HPD: variants seen among roughly 807,000 people sequenced by gnomAD.
The protein encoded by HPD is 4-hydroxyphenylpyruvate dioxygenase.
In HPD, 35 loss-of-function variants were observed where a neutral mutation model predicts 56.9. That is an observed-to-expected ratio of 0.62 (90% CI 0.47 to 0.82). HPD has a LOEUF of 0.82. Among genes scored for constraint, HPD ranks in the 40% least tolerant of loss-of-function variants. The pLI is 0.00. For missense variants in HPD, 442 were observed against 506.8 expected (o/e 0.87, Z 1.23); for synonymous variants, 186 against 200.2 (o/e 0.93, Z 0.60).
At chr12:121,858,113 C>T (rs1338180395) in intron 2 of HPD, among the ~76,000 whole-genome samples, 1 of 152,168 alleles carries the variant, frequency 6.6e-6, no homozygotes, top group Non-Finnish European at 1.5e-5. Context: ...AAAGAACTTC[C>T]AGATGGGATT....
chr12:121,857,757 C>A lies in HPD; in HGVS notation c.93G>T (p.Gln31His). The stretch of plus-strand genomic sequence containing the variant: ...TCCAGCACCTTGCCCCGGCTTCTAC[C>A]TGCTTGGCGTTGCCAACCCAGAAGG... ...SVTFWVGNAK[Q>H]ATSFYCSKMG... is the part of the protein sequence containing the mutation. Residue 31 changes from glutamine to histidine, a missense_variant and splice_region_variant, in exon 3 of 14, where the codon CAG (glutamine) becomes CAT (histidine). Transcript: ENST00000289004. 1 of 1,613,606 alleles carries A rather than the reference C, an allele frequency of 6.2e-7. No individual in the cohort carries two copies. The highest frequency in any genetic ancestry group is 2.2e-5 in the East Asian group (1 of 44,870).
chr12:121,859,708 T>C (rs1460966963), upstream of HPD, among the ~76,000 whole-genome samples: 1 of 152,212 alleles, frequency 6.6e-6, no homozygotes, highest in East Asian at 1.9e-4. Flanking sequence ...GATTCTGAAG[T>C]TGGATCTCAT....
chr12:121,839,762 T>G lies in HPD; in HGVS notation c.1148A>C (p.Asn383Thr). Residue 383 changes from asparagine (N) to threonine (T), a missense_variant, in exon 14 of 14, where the codon AAC (asparagine) becomes ACC (threonine). Physicochemically the swap from Asn to Thr is moderately conservative, Grantham distance 65. Coordinates refer to ENST00000289004, the MANE Select transcript of HPD (RefSeq NM_002150.3). ...GGGCACCACCCCATTGGTCTCCATG[T>G]TGGTGAGGTTACCCCGCAGGTTCTG... ...EEQNLRGNLT[N>T]METNGVVPGM is the part of the protein sequence containing the mutation. 6.2e-7 allele frequency: 1 copy of G among 1,614,092 alleles called. No individual in the cohort carries two copies. The highest frequency in any genetic ancestry group is 2.2e-5 in the East Asian group (1 of 44,878).
upstream of HPD, among the ~76,000 whole-genome samples, chr12:121,862,164 C>T (rs1256004443): frequency 2.6e-5 from 4 of 152,196 alleles, no homozygotes; most frequent in Non-Finnish European, 5.9e-5. Context: ...TAGAGACATC[C>T]CTCCCTGGGG....
At chr12:121,850,784 C>T (rs949109600) in intron 7 of HPD, among the ~76,000 whole-genome samples, 6 of 150,380 alleles carry the variant, frequency 4.0e-5, no homozygotes, top group Admixed American at 1.3e-4. Context: ...CTGCAACCTC[C>T]GCCTCCCAGG....
In HPD at chr12:121,848,421, C is replaced by T. The variant is rs1227107392; in HGVS notation, c.596+578G>A. Among the ~76,000 whole-genome samples, 20 of 152,136 alleles carry T rather than the reference C, an allele frequency of 1.3e-4. 1 individual carries two copies. Among genetic ancestry groups the T allele is most frequent in the Admixed American group, 1.3e-3 (20 of 15,248 alleles). ...CCGCCTTCCTGGTTCAAGCGATTCT[C>T]CTGTCTCAGCTTCCCAAGTAGCTGG... On this transcript the variant is annotated intron_variant, in intron 9 of 13. Transcript: ENST00000289004.
the HPD span, among the ~76,000 whole-genome samples, chr12:121,877,798 A>G: frequency 1.3e-5 from 2 of 152,028 alleles, no homozygotes; most frequent in African/African-American, 4.8e-5. Context: ...CCACCCCCAC[A>G]CTCTGCCAAC....
chr12:121,845,476 C>T (rs1230542165), intron 11 of HPD, among the ~76,000 whole-genome samples: 2 of 148,950 alleles, frequency 1.3e-5, no homozygotes, highest in Admixed American at 1.3e-4. Flanking sequence ...TGGCGGGTGC[C>T]TGTAGTCCCA....
the HPD span, among the ~76,000 whole-genome samples, chr12:121,869,713 C>T: frequency 3.3e-5 from 5 of 151,250 alleles, no homozygotes; most frequent in Non-Finnish European, 7.4e-5. Flanking sequence ...TTAGTAGAGA[C>T]AGGGTTTCAC....
rs984792300 is a variant in HPD at position 121,856,358 on chromosome 12, G to A, written c.290C>T (p.Ala97Val). ...GTAGTCACAATCTTCCACCTCGAACGCAATGTCCTTCACTCCGTCACCGTG... is the reference window on the plus strand; with the variant it reads ...GTAGTCACAATCTTCCACCTCGAACACAATGTCCTTCACTCCGTCACCGTG... ...VKHGDGVKDI[A>V]FEVEDCDYIV... Residue 97 changes from alanine to valine, a missense_variant, in exon 6 of 14, where the codon GCG (alanine) becomes GTG (valine). Ala to Val is a moderately conservative substitution (Grantham distance 64). Coordinates refer to ENST00000289004, the MANE Select transcript of HPD (RefSeq NM_002150.3). The A allele has an allele frequency of 1.2e-6, 2 of 1,614,022 alleles. No individual in the cohort carries two copies. Among genetic ancestry groups the A allele is most frequent in the South Asian group, 1.1e-5 (1 of 91,072 alleles).
chr12:121,852,936 T>C (rs1028627948), intron 7 of HPD, among the ~76,000 whole-genome samples: 11 of 152,114 alleles, frequency 7.2e-5, no homozygotes, highest in Admixed American at 1.3e-4. Context: ...CCAGTTCTCA[T>C]TGGATCCTTA....
upstream of HPD, chr12:121,858,930 G>A: frequency 7.4e-7 from 1 of 1,345,950 alleles, no homozygotes; most frequent in Non-Finnish European, 1.1e-6. Context: ...CCTACCTGGG[G>A]GATGGGGTGG....
upstream of HPD, among the ~76,000 whole-genome samples, chr12:121,866,650 T>TAG: frequency 6.6e-6 from 1 of 151,996 alleles, no homozygotes; most frequent in Non-Finnish European, 1.5e-5. Flanking sequence ...CTAGTTGGCC[T>TAG]TTCTGGTTCT....
chr12:121,875,167 G>C, the HPD span, among the ~76,000 whole-genome samples: 7 of 152,314 alleles, frequency 4.6e-5, no homozygotes, highest in East Asian at 1.3e-3. Context: ...TGAAACTACT[G>C]TAGCCTGCAA....
chr12:121,850,228 T>C (rs960077758), intron 7 of HPD, among the ~76,000 whole-genome samples: 1 of 152,036 alleles, frequency 6.6e-6, no homozygotes, highest in Admixed American at 6.6e-5. Flanking sequence ...GAGACCATCC[T>C]GGCGAACACG....
chr12:121,847,637 A>G (rs906757845), intron 9 of HPD, among the ~76,000 whole-genome samples: 1 of 152,194 alleles, frequency 6.6e-6, no homozygotes, highest in Non-Finnish European at 1.5e-5. Context: ...TCCTGGGTCC[A>G]GGCGATTCTC....
At chr12:121,842,908 T>C (rs1877456832) in intron 12 of HPD, among the ~76,000 whole-genome samples, 1 of 151,706 alleles carries the variant, frequency 6.6e-6, no homozygotes, top group South Asian at 2.1e-4. Flanking sequence ...TCACCACGCC[T>C]GGCTAATTTT....
At chr12:121,867,763 C>T (rs944184838), upstream of HPD, among the ~76,000 whole-genome samples, 1 of 152,186 alleles carries the variant, frequency 6.6e-6, no homozygotes, top group Non-Finnish European at 1.5e-5. Flanking sequence ...GTCCGCCTGC[C>T]TCGGCCTCCC....
chr12:121,851,241 T>A (rs1480946027), intron 7 of HPD, among the ~76,000 whole-genome samples: 2 of 152,136 alleles, frequency 1.3e-5, no homozygotes, highest in Admixed American at 6.6e-5. Context: ...CTTGAACTCC[T>A]GACCTCAAGT....
Sources: gnomAD v4.1 joint callset for allele counts (sites outside exome capture counted in the v4.1 genomes callset) on GRCh38, gnomAD v4.1.1 for gene constraint, MANE v1.5 for transcripts, NCBI Gene and HGNC (gene_info 2026-07-23, HGNC 2026-07-21) for gene names.